IKZF2: variants seen among roughly 807,000 people sequenced by gnomAD.
The protein encoded by IKZF2 is zinc finger protein Helios.
In IKZF2, 15 loss-of-function variants were observed where a neutral mutation model predicts 49.2. That is an observed-to-expected ratio of 0.30 (90% CI 0.20 to 0.47). The LOEUF is 0.47. Among genes scored for constraint, IKZF2 ranks in the 20% least tolerant of loss-of-function variants. The pLI is 1.00. For synonymous variants in IKZF2, 227 were observed against 221.4 expected, an observed-to-expected ratio of 1.03 and a Z score of -0.23; for missense variants, 567 against 664.6, an observed-to-expected ratio of 0.85 and a Z score of 1.61.
At chr2:213,061,175 A>G (rs967914461) in intron 4 of IKZF2, among the ~76,000 whole-genome samples, 3 of 151,542 alleles carry the variant, frequency 2.0e-5, no homozygotes, top group East Asian at 1.9e-4. Context: ...ACAATTTTCA[A>G]TTATAAAAGT....
intron 4 of IKZF2, among the ~76,000 whole-genome samples, chr2:213,075,411 C>T (rs1703149058): frequency 6.6e-6 from 1 of 152,048 alleles, no homozygotes; most frequent in Admixed American, 6.5e-5. Flanking sequence ...GAAATAAATA[C>T]AAATTCCAAG....
chr2:213,147,786 C>G lies in IKZF2; in HGVS notation c.61G>C (p.Glu21Gln). 1 of 1,613,576 alleles carries G rather than the reference C, an allele frequency of 6.2e-7. No individual in the cohort carries two copies. Residue 21 changes from glutamate (E) to glutamine (Q), a missense_variant, in exon 4 of 9, where the codon GAG becomes CAG. This residue lies in a region of IKZF2 where 156 missense variants were observed against 138.5 expected (regional missense o/e 1.13). Transcript: ENST00000434687. ...AGGTCAATTGCCATATTGGAGTGCT[C>G]CCTTTCGGGTGAAAGCTCATTGTCA... ...TCDNELSPER[E>Q]HSNMAIDLTS...
chr2:213,024,770 A>G (rs1697628587), intron 6 of IKZF2, among the ~76,000 whole-genome samples: 1 of 152,108 alleles, frequency 6.6e-6, no homozygotes, highest in Non-Finnish European at 1.5e-5. Flanking sequence ...CTGCAAATTC[A>G]ATGGCTCTGC....
chr2:213,032,874 T>C (rs543506819), intron 6 of IKZF2, among the ~76,000 whole-genome samples: 2 of 152,304 alleles, frequency 1.3e-5, no homozygotes, highest in African/African-American at 2.4e-5. Flanking sequence ...TTCCTTAACA[T>C]AAGGCAACAA....
intron 6 of IKZF2, among the ~76,000 whole-genome samples, chr2:213,034,103 A>G (rs1364818887): frequency 6.6e-6 from 1 of 152,072 alleles, no homozygotes; most frequent in Non-Finnish European, 1.5e-5. Context: ...CTAGCTTCCA[A>G]CTTTTCTTCT....
At chr2:213,099,345 C>A (rs898162152) in intron 4 of IKZF2, among the ~76,000 whole-genome samples, 1 of 152,084 alleles carries the variant, frequency 6.6e-6, no homozygotes, top group Non-Finnish European at 1.5e-5. Context: ...TAGAGAGATG[C>A]CATTTAAAAA....
intron 4 of IKZF2, among the ~76,000 whole-genome samples, chr2:213,140,119 G>A (rs1235416402): frequency 6.6e-6 from 1 of 151,854 alleles, no homozygotes; most frequent in Non-Finnish European, 1.5e-5. Flanking sequence ...ATCTCTCTAA[G>A]GAGTTCTGAA....
chr2:213,140,006 A>C lies in IKZF2; in HGVS notation c.139+7702T>G, dbSNP rs187022669. On this transcript the variant is annotated intron_variant, in intron 4 of 8. Coordinates refer to ENST00000434687, the MANE Select transcript of IKZF2 (RefSeq NM_001387220.1). The stretch of plus-strand genomic sequence containing the variant: ...CTTGAAGATACCATCCTTCTCTAGA[A>C]AACACCCCAAACCTATTTTTTGAGC... 7.2e-5 allele frequency among the ~76,000 whole-genome samples: 11 copies of C among 152,046 alleles called. No homozygotes were observed. The East Asian group carries it at 2.1e-3, about 29-fold the overall frequency.
At chr2:213,084,331 C>A (rs889028603) in intron 4 of IKZF2, among the ~76,000 whole-genome samples, 2 of 152,024 alleles carry the variant, frequency 1.3e-5, no homozygotes, top group East Asian at 3.9e-4. Context: ...ATGAAAGTAC[C>A]TCACACAGTA....
rs1391256610 is a variant in IKZF2 at position 213,003,573 on chromosome 2, T to G, written c.*3787A>C. 6.6e-6 allele frequency: 1 copy of G among 151,752 alleles called. No homozygotes were observed. Among genetic ancestry groups the G allele is most frequent in the Non-Finnish European group, 1.5e-5 (1 of 67,746 alleles). The allele number at this position is 151,752 out of a possible 1,614,324, so 9.4% of individuals were successfully genotyped here. A position where few individuals can be genotyped will look rare whatever the true frequency, so the allele number is the denominator to read the frequency against. ...AACTAGGGGCACACAGTTTTTTGCT[T>G]GTATTTTTACAGCCCCGTCTGCTCT... On this transcript the variant is annotated 3_prime_UTR_variant, in exon 9 of 9. Transcript: ENST00000434687.
chr2:213,108,088 C>A (rs570166942), intron 4 of IKZF2, among the ~76,000 whole-genome samples: 1 of 152,144 alleles, frequency 6.6e-6, no homozygotes, highest in Non-Finnish European at 1.5e-5. Context: ...TGGAGCAACC[C>A]ACAAGGCATT....
chr2:213,052,672 C>T (rs1700781664), intron 5 of IKZF2, among the ~76,000 whole-genome samples: 1 of 151,952 alleles, frequency 6.6e-6, no homozygotes, highest in Non-Finnish European at 1.5e-5. Flanking sequence ...TATGAGATTT[C>T]TAAAAGTATA....
chr2:213,023,816 C>T (rs545995791), intron 6 of IKZF2, among the ~76,000 whole-genome samples: 5 of 152,072 alleles, frequency 3.3e-5, no homozygotes, highest in Non-Finnish European at 7.4e-5. Flanking sequence ...CAGTCATTTC[C>T]GGGTCTTCCC....
intron 7 of IKZF2, chr2:213,021,403 A>T (rs1048548218): frequency 1.8e-5 from 3 of 164,790 alleles, no homozygotes; most frequent in African/African-American, 7.2e-5. Context: ...GCTGATTATT[A>T]AAATTAACTT....
At chr2:213,010,260 A>G (rs542006004) in intron 8 of IKZF2, among the ~76,000 whole-genome samples, 37 of 152,236 alleles carry the variant, frequency 2.4e-4, no homozygotes, top group Admixed American at 2.2e-3. Context: ...ATAGAAAGCA[A>G]CTTCTGAAGC....
chr2:213,048,860 T>A (rs1410495450), intron 6 of IKZF2, among the ~76,000 whole-genome samples: 3 of 152,042 alleles, frequency 2.0e-5, no homozygotes, highest in Admixed American at 1.3e-4. Flanking sequence ...CAATGTAGAT[T>A]AAAATATCAC....
intron 4 of IKZF2, among the ~76,000 whole-genome samples, chr2:213,114,818 GC>G (rs2059818037): frequency 6.6e-6 from 1 of 151,862 alleles, no homozygotes; most frequent in Non-Finnish European, 1.5e-5. Flanking sequence ...TGTAGTCCCA[GC>G]TACTCAGGAG....
chr2:213,122,396 G>T (rs13397917), intron 4 of IKZF2, among the ~76,000 whole-genome samples: 8,323 of 152,160 alleles, frequency 0.055, 753 homozygotes, highest in African/African-American at 0.19. Context: ...AGAGTCGCAG[G>T]CTCCTCCTCC....
intron 4 of IKZF2, among the ~76,000 whole-genome samples, chr2:213,106,032 C>T (rs1448653048): frequency 6.6e-6 from 1 of 151,980 alleles, no homozygotes; most frequent in Non-Finnish European, 1.5e-5. Context: ...ATTTTTATGA[C>T]CTAAAATATA....
Sources: allele counts gnomAD v4.1 joint callset (sites outside exome capture counted in the v4.1 genomes callset), GRCh38; gene constraint gnomAD v4.1.1; regional missense constraint gnomAD v4.1.1; transcripts MANE v1.5; gene names NCBI Gene and HGNC (gene_info 2026-07-23, HGNC 2026-07-21).